The following EXTL3 variants were observed in gnomAD, a reference collection of about 807,000 sequenced individuals.
EXTL3 encodes the protein exostosin like glycosyltransferase 3, also known as exostosin-like 3.
EXTL3 carries 27 observed loss-of-function variants against 69.3 expected under a neutral mutation model. The observed-to-expected ratio is 0.39, with a 90% CI of 0.29 to 0.54. EXTL3 has a LOEUF of 0.54. EXTL3 is among the 20% of genes least tolerant of loss of function. The probability of loss-of-function intolerance (pLI) is 0.69; values close to 1 mark genes in which losing one functional copy is unlikely to be tolerated. For synonymous variants in EXTL3, 511 were observed against 499.4 expected (o/e 1.02, Z -0.31); for missense variants, 1,003 against 1,231.8 (o/e 0.81, Z 2.78).
At chr8:28,742,937 C>T (rs747921132) in intron 5 of EXTL3, 149 bp from the exon 6 acceptor site, 11 of 811,680 alleles carry the variant, frequency 1.4e-5, no homozygotes, top group African/African-American at 5.0e-5. Context: ...CAGGATGTCT[C>T]GAATCCCCTG....
intron 1 of EXTL3, among the ~76,000 whole-genome samples, chr8:28,643,665 G>A (rs1390243170): frequency 6.6e-6 from 1 of 151,974 alleles, no homozygotes; most frequent in Non-Finnish European, 1.5e-5. Context: ...TGATCCACCA[G>A]CCTCAGCCTC....
chr8:28,705,712 A>G (rs4732869), intron 1 of EXTL3, among the ~76,000 whole-genome samples: 1 of 152,204 alleles, frequency 6.6e-6, no homozygotes, highest in Admixed American at 6.5e-5. Flanking sequence ...AGAAGCGAAA[A>G]CCGTTAGATT....
rs1037329591 is a variant in EXTL3, at chr8:28,623,065, G to C, written c.-53+255G>C. On this transcript the variant is annotated intron_variant, in intron 1 of 6. Coordinates refer to the EXTL3 transcript ENST00000523149. This position sits in a 1 kb window ranked among gnomAD's most constrained non-coding sequence, Gnocchi z 4.2. The stretch of plus-strand genomic sequence containing the variant: ...CTCGCGGTCCATGTCCCCTGCCTCG[G>C]AGTGTGGACGTGAACTCCGGGGTGG... Among the ~76,000 whole-genome samples, 2 of 151,924 alleles carry C rather than the reference G, an allele frequency of 1.3e-5. No homozygotes were observed. Among genetic ancestry groups the C allele is most frequent in the African/African-American group, 4.8e-5 (2 of 41,408 alleles).
intron 6 of EXTL3, among the ~76,000 whole-genome samples, chr8:28,746,332 G>T (rs1363785603): frequency 1.3e-5 from 2 of 152,152 alleles, no homozygotes. Context: ...CTTCATTCAG[G>T]ATAAGAGATT....
chr8:28,627,203 A>T lies in EXTL3; in HGVS notation c.-53+4393A>T, dbSNP rs560959198. Among the ~76,000 whole-genome samples, 121 of 151,156 alleles carry T rather than the reference A, an allele frequency of 8.0e-4. 1 individual carries two copies. The South Asian group carries it at 0.023, about 29-fold the overall frequency. ...ACTCCATCTCAAAAAAAAAAAATTA[A>T]AAAAAATAAAAAAAATTCCCCTTGA... On this transcript the variant is annotated intron_variant, in intron 1 of 6. Coordinates refer to the EXTL3 transcript ENST00000523149.
intron 1 of EXTL3, among the ~76,000 whole-genome samples, chr8:28,684,640 G>T (rs979368576): frequency 2.6e-5 from 4 of 152,132 alleles, no homozygotes; most frequent in Admixed American, 6.5e-5. Context: ...TACTCGGGAG[G>T]CTGGGGTAAG....
At chr8:28,706,645 G>C (rs1328332549) in intron 1 of EXTL3, among the ~76,000 whole-genome samples, 4 of 152,184 alleles carry the variant, frequency 2.6e-5, no homozygotes, top group Admixed American at 2.6e-4. Flanking sequence ...TGATTTATTA[G>C]TGGAAAATAT....
chr8:28,719,865 A>G (rs1801259097), intron 3 of EXTL3, among the ~76,000 whole-genome samples: 1 of 152,248 alleles, frequency 6.6e-6, no homozygotes, highest in African/African-American at 2.4e-5. Context: ...AAGTTGACTG[A>G]AATTCATCAA....
chr8:28,644,558 G>A (rs962945513), intron 1 of EXTL3, among the ~76,000 whole-genome samples: 1 of 152,112 alleles, frequency 6.6e-6, no homozygotes, highest in Non-Finnish European at 1.5e-5. Context: ...AATTAGCCAG[G>A]CACAGTGGTT....
intron 1 of EXTL3, among the ~76,000 whole-genome samples, chr8:28,636,264 G>T (rs532988329): frequency 6.6e-6 from 1 of 151,218 alleles, no homozygotes; most frequent in East Asian, 1.9e-4. Flanking sequence ...CCCAGGAGGC[G>T]GAGGTTGCAG....
At chr8:28,679,470 G>C (rs1025030182) in intron 1 of EXTL3, among the ~76,000 whole-genome samples, 2 of 152,054 alleles carry the variant, frequency 1.3e-5, no homozygotes, top group African/African-American at 4.8e-5. Context: ...CAGTCTGGTG[G>C]CTCATGCTTA....
In EXTL3 at chr8:28,715,747, T is replaced by A. The variant is rs1192346364; in HGVS notation, c.-313T>A. The A allele has an allele frequency of 5.2e-6, 2 of 387,400 alleles. No homozygotes were observed. The highest frequency in any genetic ancestry group is 4.0e-5 in the African/African-American group (2 of 49,542). The allele number at this position is 387,400 out of a possible 1,614,324, so 24.0% of individuals were successfully genotyped here. A position where few individuals can be genotyped will look rare whatever the true frequency, so the allele number is the denominator to read the frequency against. ...AGTCTGTCTGATTCCAGGGTGTTTT[T>A]CCTGGGTTTCATCATCAGGTACCTC... On this transcript the variant is annotated 5_prime_UTR_variant, in exon 3 of 7. Transcript: ENST00000220562.
At chr8:28,730,877 T>C (rs7012612) in intron 3 of EXTL3, among the ~76,000 whole-genome samples, 2,442 of 152,282 alleles carry the variant, frequency 0.016, 61 homozygotes, top group African/African-American at 0.056. Context: ...TCCATAGCCA[T>C]TGGAATCTCA....
intron 2 of EXTL3, among the ~76,000 whole-genome samples, chr8:28,608,795 C>G (rs1806236254): frequency 6.6e-6 from 1 of 151,906 alleles, no homozygotes; most frequent in Non-Finnish European, 1.5e-5. Context: ...GCTCAGGAGG[C>G]AGAGGTTCAG....
chr8:28,657,496 T>C (rs1180543182), intron 1 of EXTL3, among the ~76,000 whole-genome samples: 1 of 152,350 alleles, frequency 6.6e-6, no homozygotes, highest in Non-Finnish European at 1.5e-5. Flanking sequence ...ACATTTTTTT[T>C]ATTGTAATAT....
Position 28,632,617 on chromosome 8 carries a change from G to A in EXTL3, c.-53+9807G>A, listed in dbSNP as rs552708527. Among the ~76,000 whole-genome samples, 16 of 144,358 alleles carry A rather than the reference G, an allele frequency of 1.1e-4. No individual in the cohort carries two copies. The East Asian group carries it at 1.2e-3, about 11-fold the overall frequency. The allele number at this position is 144,358 out of a possible 152,430, so 94.7% of individuals were successfully genotyped here. A position where few individuals can be genotyped will look rare whatever the true frequency, so the allele number is the denominator to read the frequency against. On this transcript the variant is annotated intron_variant, in intron 1 of 6. Transcript: ENST00000523149. ...TGCCCAGGCTAGAGTAGAGTGGTAC[G>A]ATCTCGGCTCACCACAACCTCTGTC...
chr8:28,721,484 C>T (rs1309204833), intron 3 of EXTL3, among the ~76,000 whole-genome samples: 1 of 152,208 alleles, frequency 6.6e-6, no homozygotes, highest in Non-Finnish European at 1.5e-5. Flanking sequence ...CCAACTCTGG[C>T]CTACTCTCAG....
intron 3 of EXTL3, among the ~76,000 whole-genome samples, chr8:28,727,500 T>G (rs1801438971): frequency 6.6e-6 from 1 of 152,242 alleles, no homozygotes; most frequent in South Asian, 2.1e-4. Context: ...GTAAATTAGA[T>G]AATTTTGGAT....
At chr8:28,731,173 C>G in intron 3 of EXTL3, 50 bp from the exon 4 acceptor site, 1 of 1,613,138 alleles carries the variant, frequency 6.2e-7, no homozygotes. Context: ...TTTTGTTTGG[C>G]CTTTCATAAC....
Sources: allele counts gnomAD v4.1 joint callset (sites outside exome capture counted in the v4.1 genomes callset), GRCh38; gene constraint gnomAD v4.1.1; non-coding constraint Gnocchi (gnomAD v3.1); transcripts MANE v1.5; gene names NCBI Gene and HGNC (gene_info 2026-07-23, HGNC 2026-07-21).